NPEPPS: variants seen among roughly 807,000 people sequenced by gnomAD.
The protein encoded by NPEPPS is aminopeptidase puromycin sensitive.
Under a neutral mutation model 115.5 loss-of-function variants are expected in NPEPPS, and 14 were observed. That is an observed-to-expected ratio of 0.12 (90% CI 0.08 to 0.19). NPEPPS has a LOEUF of 0.19. Among genes scored for constraint, NPEPPS ranks in the 10% least tolerant of loss-of-function variants. NPEPPS has a pLI of 1.00. For synonymous variants in NPEPPS, 285 were observed against 390.6 expected (o/e 0.73, Z 3.19); for missense variants, 523 against 1,110.8 (o/e 0.47, Z 7.52).
Position 47,621,875 on chromosome 17 carries a change from C to A in NPEPPS, c.2715C>A (p.Ile905=). The change falls in exon 23 of 23, where the codon ATC becomes ATA. Residue 905 remains isoleucine (I), a synonymous_variant. Coordinates refer to ENST00000322157, the MANE Select transcript of NPEPPS (RefSeq NM_006310.4). ...AAWLKRDAES[I]HQYLLQRKAS... ...GGCTAAAGCGAGATGCTGAGAGCAT[C>A]CACCAGTACCTCCTTCAGCGGAAGG... The A allele has an allele frequency of 6.8e-6, 11 of 1,613,786 alleles. No homozygotes were observed. The highest frequency in any genetic ancestry group is 9.3e-6 in the Non-Finnish European group (11 of 1,179,764).
intron 18 of NPEPPS, among the ~76,000 whole-genome samples, chr17:47,613,136 GCA>G (rs1913980132): frequency 1.3e-5 from 2 of 151,964 alleles, no homozygotes; most frequent in African/African-American, 4.8e-5. Context: ...GATTAGCTGT[GCA>G]CATTCCCCTG....
intron 2 of NPEPPS, among the ~76,000 whole-genome samples, chr17:47,556,368 A>G (rs1446680753): frequency 1.3e-5 from 2 of 152,078 alleles, no homozygotes; most frequent in African/African-American, 4.8e-5. Flanking sequence ...GAGTGGACAC[A>G]GCACATGTTT....
In NPEPPS at chr17:47,621,949, G is replaced by C. The variant is rs754684842; in HGVS notation, c.*29G>C. 1.9e-6 allele frequency: 3 copies of C among 1,582,336 alleles called. No individual in the cohort carries two copies. The highest frequency in any genetic ancestry group is 1.7e-6 in the Non-Finnish European group (2 of 1,161,884). Reference sequence around the variant, plus strand: ...CTGAGGTGCCGCCATTGGCGGTTCTGCTGCTTCGCTGCAGGGATAAGGTGG... The same window carrying C: ...CTGAGGTGCCGCCATTGGCGGTTCTCCTGCTTCGCTGCAGGGATAAGGTGG... On this transcript the variant is annotated 3_prime_UTR_variant, in exon 23 of 23. Transcript: ENST00000322157.
At chr17:47,583,820 G>A in intron 5 of NPEPPS, among the ~76,000 whole-genome samples, 1 of 151,898 alleles carries the variant, frequency 6.6e-6, no homozygotes, top group Non-Finnish European at 1.5e-5. Context: ...TACTTGGGAG[G>A]CTAATGTGGG....
Position 47,547,611 on chromosome 17 carries a change from G to A in NPEPPS, c.340+1618G>A, listed in dbSNP as rs139026219. Among the ~76,000 whole-genome samples, 5 of 152,114 alleles carry A rather than the reference G, an allele frequency of 3.3e-5. No homozygotes were observed. In the East Asian group the frequency reaches 5.8e-4, roughly 18 times the overall value. ...TGGGCTCAAGGGATCTGACCTCTTC[G>A]GCCTTGCAGGTTGCTGGGATTACAG... On this transcript the variant is annotated intron_variant, in intron 2 of 22. Transcript: ENST00000322157.
chr17:47,555,012 A>G (rs1482573365), intron 2 of NPEPPS, among the ~76,000 whole-genome samples: 1 of 152,218 alleles, frequency 6.6e-6, no homozygotes, highest in Non-Finnish European at 1.5e-5. Context: ...TTCAGACCGT[A>G]GTTGACTCTA....
intron 2 of NPEPPS, among the ~76,000 whole-genome samples, chr17:47,546,847 T>C (rs1435089727): frequency 6.6e-6 from 1 of 152,164 alleles, no homozygotes; most frequent in Admixed American, 6.6e-5. Context: ...TGTCACAATT[T>C]AAATTCTACT....
In NPEPPS at chr17:47,604,043, C is replaced by T. The variant is rs1375021590; in HGVS notation, c.1869C>T (p.Phe623=). 1 of 1,608,508 alleles carries T rather than the reference C, an allele frequency of 6.2e-7. No individual in the cohort carries two copies. The highest frequency in any genetic ancestry group is 8.5e-7 in the Non-Finnish European group (1 of 1,176,360). ...GACTTGGATTACAGAATGACCTCTT[C>T]TCCTTGGTGAGCATCTGTGACTTAA... ...VDRLGLQNDL[F]SLARAGIIST... is the part of the protein sequence containing the mutation. The change falls in exon 16 of 23, where the codon TTC becomes TTT. Residue 623 remains phenylalanine (F), a synonymous_variant. Transcript: ENST00000322157.
At chr17:47,579,621 A>T in intron 4 of NPEPPS, 110 bp downstream of exon 4, 1 of 1,021,362 alleles carries the variant, frequency 9.8e-7, no homozygotes, top group South Asian at 1.7e-5. Context: ...CTTGGCCATG[A>T]TTGTATTCAC....
At chr17:47,549,938 T>TC (rs1909517583) in intron 2 of NPEPPS, among the ~76,000 whole-genome samples, 1 of 150,900 alleles carries the variant, frequency 6.6e-6, no homozygotes, top group African/African-American at 2.4e-5. Context: ...TTTAATTTTT[T>TC]TTTTTTTTCT....
chr17:47,531,223 A>G lies in NPEPPS; in HGVS notation c.-78A>G, dbSNP rs994299848. ...CCGCACCGCCTCCTTCCCAGCCCCT[A>G]GCGCTCCGGCTGGGTCTCTCCCCCG... On this transcript the variant is annotated 5_prime_UTR_variant, in exon 1 of 23. Coordinates refer to ENST00000322157, the MANE Select transcript of NPEPPS (RefSeq NM_006310.4). 5.5e-4 allele frequency: 711 copies of G among 1,284,582 alleles called. No homozygotes were observed. The highest frequency in any genetic ancestry group is 6.8e-4 in the Non-Finnish European group (683 of 1,002,150). 79.6% of individuals were successfully genotyped at this position (1,284,582 alleles called of 1,614,324 possible). A position where few individuals can be genotyped will look rare whatever the true frequency, so the allele number is the denominator to read the frequency against.
intron 1 of NPEPPS, among the ~76,000 whole-genome samples, chr17:47,543,145 CAAAA>C (rs941024934): frequency 1.9e-5 from 1 of 53,074 alleles, no homozygotes; most frequent in Admixed American, 2.2e-4. Context: ...GACTCCATCT[CAAAA>C]AAAAAAAAAA....
intron 15 of NPEPPS, among the ~76,000 whole-genome samples, chr17:47,602,341 C>T (rs1913252126): frequency 6.6e-6 from 1 of 151,624 alleles, no homozygotes; most frequent in African/African-American, 2.4e-5. Flanking sequence ...AAAAAAAAGC[C>T]CGCCGAACGC....
intron 3 of NPEPPS, among the ~76,000 whole-genome samples, chr17:47,576,365 G>A (rs901547759): frequency 6.6e-6 from 1 of 152,152 alleles, no homozygotes; most frequent in Non-Finnish European, 1.5e-5. Context: ...GGTGGCGCAC[G>A]CCTGTAGTTC....
At chr17:47,564,042 C>T (rs933617752) in intron 2 of NPEPPS, among the ~76,000 whole-genome samples, 2 of 151,958 alleles carry the variant, frequency 1.3e-5, no homozygotes, top group Admixed American at 1.3e-4. Flanking sequence ...AAGCGATTCT[C>T]CTGCCTCAGC....
intron 2 of NPEPPS, among the ~76,000 whole-genome samples, chr17:47,560,662 TTGCAACATTATTTTCAGC>T (rs1326467149): frequency 1.3e-5 from 2 of 152,194 alleles, no homozygotes; most frequent in Non-Finnish European, 2.9e-5. Context: ...TTCTTTCCCA[TTGCAACATTATTTTCAGC>T]TTTGTGGAGA....
chr17:47,538,202 C>CTTGGTTTTTTTT (rs1908460468), intron 1 of NPEPPS, among the ~76,000 whole-genome samples: 1 of 58,492 alleles, frequency 1.7e-5, no homozygotes, highest in Non-Finnish European at 3.4e-5. Context: ...CATATCTGTT[C>CTTGGTTTTTTTT]TTTTTTTTTT....
chr17:47,557,316 G>A (rs1910115429), intron 2 of NPEPPS: 1 of 151,962 alleles, frequency 6.6e-6, no homozygotes, highest in Non-Finnish European at 1.5e-5. Context: ...GACCTCAAGT[G>A]ATCGGTTCGC....
intron 18 of NPEPPS, 113 bp from the exon 19 acceptor site, chr17:47,613,556 C>T (rs1423809051): frequency 4.5e-6 from 4 of 889,682 alleles, no homozygotes; most frequent in African/African-American, 1.7e-5. Flanking sequence ...CGTGAGTCAC[C>T]GCAGCCGGCC....
Sources: gnomAD v4.1 joint callset for allele counts (sites outside exome capture counted in the v4.1 genomes callset) on GRCh38, gnomAD v4.1.1 for gene constraint, MANE v1.5 for transcripts, NCBI Gene and HGNC (gene_info 2026-07-23, HGNC 2026-07-21) for gene names.